Variants in MED12L observed in about 807,000 individuals in gnomAD.
MED12L encodes mediator of RNA polymerase II transcription subunit 12-like protein.
MED12L carries 60 observed loss-of-function variants against 281.3 expected under a neutral mutation model. The ratio of observed to expected loss-of-function variants is 0.21; its 90% CI spans 0.17 to 0.26. The LOEUF (loss-of-function observed/expected upper bound fraction) is 0.26. Among genes scored for constraint, MED12L ranks in the 10% least tolerant of loss-of-function variants. The pLI is 1.00. For synonymous variants in MED12L, 974 were observed against 987.2 expected (o/e 0.99, Z 0.25); for missense variants, 2,146 against 2,680.9 (o/e 0.80, Z 4.41).
At position 151,190,782 on chromosome 3, in the gene MED12L, A is replaced by G; in HGVS notation, c.1819A>G (p.Ile607Val). 6.2e-7 allele frequency: 1 copy of G among 1,614,182 alleles called. No homozygotes were observed. ...VNLVLLFCEF[I>V]RHDVFSHDAY... ...CCTGGTGCTGCTCTTCTGCGAGTTCATCCGCCATGATGTCTTCTCCCATGA... is the reference window on the plus strand; with the variant it reads ...CCTGGTGCTGCTCTTCTGCGAGTTCGTCCGCCATGATGTCTTCTCCCATGA... The change falls in exon 14 of 45, where the codon ATC becomes GTC. Residue 607 changes from isoleucine to valine, a missense_variant. Physicochemically the swap from Ile to Val is conservative, Grantham distance 29 (BLOSUM62 3). Coordinates refer to ENST00000687756, the MANE Select transcript of MED12L (RefSeq NM_001393769.1).
intron 20 of MED12L, among the ~76,000 whole-genome samples, chr3:151,358,303 G>T (rs1480803584): frequency 6.6e-6 from 1 of 152,056 alleles, no homozygotes; most frequent in African/African-American, 2.4e-5. Flanking sequence ...AGGAAATAGA[G>T]AATTATTTAA....
At chr3:151,299,877 G>A (rs1745665610) in intron 16 of MED12L, among the ~76,000 whole-genome samples, 2 of 152,144 alleles carry the variant, frequency 1.3e-5, no homozygotes, top group Non-Finnish European at 2.9e-5. Flanking sequence ...CAAAATGATA[G>A]CAAGCTAAAT....
chr3:151,385,011 C>T lies in MED12L; in HGVS notation c.4927-19C>T. On this transcript the variant is annotated intron_variant, in intron 35 of 44. Coordinates refer to ENST00000687756, the MANE Select transcript of MED12L (RefSeq NM_001393769.1). Reference sequence around the variant, plus strand: ...TTCTGTCCCACTTCTCACTCTCTCTCTCTCTCTTTTTTCTTTAGAAAGAGC... The same window carrying T: ...TTCTGTCCCACTTCTCACTCTCTCTTTCTCTCTTTTTTCTTTAGAAAGAGC... 1 of 1,301,146 alleles carries T rather than the reference C, an allele frequency of 7.7e-7. No homozygotes were observed. The highest frequency in any genetic ancestry group is 1.1e-6 in the Non-Finnish European group (1 of 898,516). 80.6% of individuals were successfully genotyped at this position (1,301,146 alleles called of 1,614,324 possible). A position where few individuals can be genotyped will look rare whatever the true frequency, so the allele number is the denominator to read the frequency against.
chr3:151,425,284 C>T (rs2108450018), intron 43 of MED12L: 1 of 168,440 alleles, frequency 5.9e-6, no homozygotes, highest in Non-Finnish European at 1.3e-5. Flanking sequence ...ATAGAAATTA[C>T]TAATTAGCAG....
At chr3:151,222,102 A>T (rs1011593862) in intron 16 of MED12L, among the ~76,000 whole-genome samples, 1 of 152,220 alleles carries the variant, frequency 6.6e-6, no homozygotes, top group Non-Finnish European at 1.5e-5. Context: ...TTGGACTTGG[A>T]TGGGGCCTGT....
rs1259791586 is a variant in MED12L, at chr3:151,383,854, A to C, written c.4756A>C (p.Ile1586Leu). 1 of 1,613,912 alleles carries C rather than the reference A, an allele frequency of 6.2e-7. No homozygotes were observed. The highest frequency in any genetic ancestry group is 1.1e-5 in the South Asian group (1 of 91,066). The part of the protein sequence containing the change: ...TDWALLLLQI[I>L]TSGTVDMHTN... ...CTGGGCCCTGCTACTCCTTCAGATC[A>C]TTACTTCAGGAACTGTTGACATGCA... is the stretch of plus-strand genomic sequence containing the variant. The change falls in exon 34 of 45, where the codon ATT (isoleucine) becomes CTT (leucine). Residue 1586 changes from isoleucine (I) to leucine (L), a missense_variant. Physicochemically the swap from Ile to Leu is conservative, Grantham distance 5. This residue lies in a region of MED12L where 212 missense variants were observed against 340.8 expected (regional missense o/e 0.62). Transcript: ENST00000687756.
Position 151,303,078 on chromosome 3 carries a change from A to G in MED12L, c.2251-46981A>G, listed in dbSNP as rs113947722. Among the ~76,000 whole-genome samples, 1,034 of 152,298 alleles carry G rather than the reference A, an allele frequency of 6.8e-3. 10 individuals are homozygous for G. Among genetic ancestry groups the G allele is most frequent in the South Asian group, 0.024 (114 of 4,828 alleles). ...TGAGTGTAGCCAAAGATAAGGTATA[A>G]TAGTCTACTGAGGAACTGGTGACAG... On this transcript the variant is annotated intron_variant, in intron 16 of 44. Coordinates refer to ENST00000687756, the MANE Select transcript of MED12L (RefSeq NM_001393769.1).
intron 16 of MED12L, among the ~76,000 whole-genome samples, chr3:151,285,326 A>G (rs1035748490): frequency 6.6e-6 from 1 of 152,080 alleles, no homozygotes; most frequent in African/African-American, 2.4e-5. Context: ...CTACTAAAAA[A>G]TACAAAAAAT....
chr3:151,093,501 C>T lies in MED12L; in HGVS notation c.99+6476C>T, dbSNP rs565192609. On this transcript the variant is annotated intron_variant, in intron 2 of 44. Transcript: ENST00000687756. ...GAACTGGGCTCCCCCTTATTCCTACCTGCTGCCCTTGATTTGATATATTAG... is the reference window on the plus strand; with the variant it reads ...GAACTGGGCTCCCCCTTATTCCTACTTGCTGCCCTTGATTTGATATATTAG... Among the ~76,000 whole-genome samples the T allele has an allele frequency of 1.2e-3, 185 of 152,294 alleles. 1 individual carries two copies. Among genetic ancestry groups the T allele is most frequent in the Non-Finnish European group, 2.0e-3 (137 of 68,028 alleles).
In MED12L at chr3:151,390,096, C is replaced by A; in HGVS notation, c.5569C>A (p.Gln1857Lys). 1 of 1,614,138 alleles carries A rather than the reference C, an allele frequency of 6.2e-7. No homozygotes were observed. The highest frequency in any genetic ancestry group is 8.5e-7 in the Non-Finnish European group (1 of 1,179,962). Residue 1857 changes from glutamine (Q) to lysine (K), a missense_variant, in exon 38 of 45, where the codon CAG becomes AAG. This residue lies in a region of MED12L where 496 missense variants were observed against 512.0 expected (regional missense o/e 0.97). Coordinates refer to ENST00000687756, the MANE Select transcript of MED12L (RefSeq NM_001393769.1). ...WGYNLVGQPQ[Q>K]PGFFLQNQSL... Reference sequence around the variant, plus strand: ...TTACAACCTCGTGGGCCAGCCCCAGCAGCCCGGCTTTTTCCTTCAGAACCA... The same window carrying A: ...TTACAACCTCGTGGGCCAGCCCCAGAAGCCCGGCTTTTTCCTTCAGAACCA...
intron 2 of MED12L, among the ~76,000 whole-genome samples, chr3:151,099,038 C>T (rs2148652952): frequency 6.6e-6 from 1 of 152,166 alleles, no homozygotes; most frequent in South Asian, 2.1e-4. Context: ...GAGATTACTA[C>T]CAAGAGAAAG....
At chr3:151,298,441 A>G (rs1188279038) in intron 16 of MED12L, among the ~76,000 whole-genome samples, 4 of 152,234 alleles carry the variant, frequency 2.6e-5, no homozygotes, top group African/African-American at 9.6e-5. Flanking sequence ...GGATATTATC[A>G]AACATGATTT....
intron 38 of MED12L, among the ~76,000 whole-genome samples, chr3:151,392,662 CA>C (rs1486989089): frequency 6.6e-6 from 1 of 152,004 alleles, no homozygotes; most frequent in Non-Finnish European, 1.5e-5. Context: ...CACTCACATA[CA>C]AAAACATATG....
intron 5 of MED12L, among the ~76,000 whole-genome samples, chr3:151,138,980 T>TCTACCTACCTACCTACCTACCTAC (rs374854260): frequency 7.0e-6 from 1 of 142,894 alleles, no homozygotes; most frequent in African/African-American, 2.8e-5. Flanking sequence ...TTGTCTCTTA[T>TCTACCTACCTACCTACCTACCTAC]CTACCTACCT....
At chr3:151,214,809 T>C (rs181319061) in intron 16 of MED12L, among the ~76,000 whole-genome samples, 9 of 152,316 alleles carry the variant, frequency 5.9e-5, no homozygotes, top group Admixed American at 2.0e-4. Context: ...AGGTATAATC[T>C]TAAAAGGTAG....
intron 16 of MED12L, among the ~76,000 whole-genome samples, chr3:151,276,161 T>C (rs1227072367): frequency 6.6e-6 from 1 of 152,236 alleles, no homozygotes; most frequent in Non-Finnish European, 1.5e-5. Context: ...CACCCAAAAC[T>C]GAATGTGCAA....
chr3:151,339,603 C>G (rs1458657123), intron 16 of MED12L, among the ~76,000 whole-genome samples: 1 of 151,568 alleles, frequency 6.6e-6, no homozygotes, highest in Non-Finnish European at 1.5e-5. Context: ...TTGCTGCATA[C>G]ATTTTCTTGA....
chr3:151,248,922 A>G (rs1265002636), intron 16 of MED12L: 8 of 152,206 alleles, frequency 5.3e-5, no homozygotes, highest in African/African-American at 1.9e-4. Context: ...AACTGAGTGT[A>G]GCATTTGATG....
At chr3:151,417,713 A>C (rs952121869) in intron 43 of MED12L, among the ~76,000 whole-genome samples, 1 of 151,920 alleles carries the variant, frequency 6.6e-6, no homozygotes, top group Non-Finnish European at 1.5e-5. Context: ...CAGGTGATCC[A>C]CCCACTTTGG....
Sources: allele counts gnomAD v4.1 joint callset (sites outside exome capture counted in the v4.1 genomes callset), GRCh38; gene constraint gnomAD v4.1.1; regional missense constraint gnomAD v4.1.1; transcripts MANE v1.5; gene names NCBI Gene and HGNC (gene_info 2026-07-23, HGNC 2026-07-21).